The following AGBL4 variants were observed in gnomAD, a reference collection of about 807,000 sequenced individuals.
The protein encoded by AGBL4 is AGBL carboxypeptidase 4.
In AGBL4, 58 loss-of-function variants were observed where a neutral mutation model predicts 66.4. That is an observed-to-expected ratio of 0.87 (90% confidence interval 0.71 to 1.09). The LOEUF is 1.09. Ranked by LOEUF, AGBL4 falls within the 50% of genes least tolerant of loss-of-function variation. The pLI is 0.00. For missense variants in AGBL4, 579 were observed against 631.0 expected, an observed-to-expected ratio of 0.92 and a Z score of 0.88; for synonymous variants, 234 against 222.9, an observed-to-expected ratio of 1.05 and a Z score of -0.44.
chr1:49,594,406 TAC>T (rs1644811876), intron 3 of AGBL4, among the ~76,000 whole-genome samples: 1 of 152,198 alleles, frequency 6.6e-6, no homozygotes, highest in South Asian at 2.1e-4. Flanking sequence ...GCAGGTTTGT[TAC>T]ATAGGTATAC....
intron 5 of AGBL4, among the ~76,000 whole-genome samples, chr1:48,920,680 G>T (rs1654002726): frequency 6.6e-6 from 1 of 152,186 alleles, no homozygotes; most frequent in Non-Finnish European, 1.5e-5. Flanking sequence ...ACGTAGACCT[G>T]CCTGACTTCA....
chr1:49,598,960 C>T (rs571378126), intron 3 of AGBL4, among the ~76,000 whole-genome samples: 2 of 152,120 alleles, frequency 1.3e-5, no homozygotes, highest in African/African-American at 2.4e-5. Context: ...CCAACTTGAT[C>T]GAGGTAGATA....
chr1:49,259,340 C>G lies in AGBL4; in HGVS notation c.283-13476G>C, dbSNP rs569531051. The stretch of plus-strand genomic sequence containing the variant: ...TTAAATGTAAATGGACTAAATGCTC[C>G]AATTAAAAGACACAGACTGGCAAAT... On this transcript the variant is annotated intron_variant, in intron 3 of 13. Coordinates refer to ENST00000371839, the MANE Select transcript of AGBL4 (RefSeq NM_032785.4). Among the ~76,000 whole-genome samples, 1,280 of 152,040 alleles carry G rather than the reference C, an allele frequency of 8.4e-3. 17 individuals carry two copies. The highest frequency in any genetic ancestry group is 0.029 in the African/African-American group (1,210 of 41,456).
At chr1:49,603,045 A>AAGAT (rs1315534260) in intron 3 of AGBL4, among the ~76,000 whole-genome samples, 83 of 152,198 alleles carry the variant, frequency 5.5e-4, no homozygotes, top group Non-Finnish European at 3.8e-4. Context: ...AAAGATTAGC[A>AAGAT]AGATGACTTT....
rs933007573 is a variant in AGBL4 at position 49,613,079 on chromosome 1, G to A, written c.282+84234C>T. Among the ~76,000 whole-genome samples the A allele has an allele frequency of 2.0e-5, 3 of 152,238 alleles. No individual in the cohort carries two copies. In the South Asian group the frequency reaches 6.2e-4, roughly 32 times the overall value. ...AAAGAATGAAATCATGTATTCTGCAGCAACATGGATGCAGCTGGAGGTCAT... is the reference window on the plus strand; with the variant it reads ...AAAGAATGAAATCATGTATTCTGCAACAACATGGATGCAGCTGGAGGTCAT... On this transcript the variant is annotated intron_variant, in intron 3 of 13. Transcript: ENST00000371839.
chr1:50,023,851 C>A lies in AGBL4; in HGVS notation c.-55G>T. 2.0e-6 allele frequency: 3 copies of A among 1,531,498 alleles called. No individual in the cohort carries two copies. Among genetic ancestry groups the A allele is most frequent in the Non-Finnish European group, 2.6e-6 (3 of 1,136,796 alleles). 94.9% of individuals were successfully genotyped at this position (1,531,498 alleles called of 1,614,324 possible). ...GCGAAGACCGCGGGGCAGTAGGGAG[C>A]GGGTGGTGGGATCAGTGGGCTGACA... is the stretch of plus-strand genomic sequence containing the variant. On this transcript the variant is annotated 5_prime_UTR_variant, in exon 1 of 14. Coordinates refer to ENST00000371839, the MANE Select transcript of AGBL4 (RefSeq NM_032785.4).
In AGBL4 at chr1:49,911,157, A is replaced by G. The variant is rs576774435; in HGVS notation, c.35-59639T>C. Among the ~76,000 whole-genome samples, 6 of 152,312 alleles carry G rather than the reference A, an allele frequency of 3.9e-5. No individual in the cohort carries two copies. In the South Asian group the frequency reaches 1.2e-3, roughly 32 times the overall value. ...AGTAGACTATTCTGGGCAGTTATAC[A>G]GGGGTGGATGGAATGTGGGAGTGGG... On this transcript the variant is annotated intron_variant, in intron 1 of 13. Transcript: ENST00000371839.
intron 2 of AGBL4, among the ~76,000 whole-genome samples, chr1:49,698,133 A>G (rs1411864728): frequency 6.6e-6 from 1 of 152,114 alleles, no homozygotes; most frequent in Non-Finnish European, 1.5e-5. Context: ...GAATTGTTAG[A>G]GAGGCAAGAT....
intron 5 of AGBL4, among the ~76,000 whole-genome samples, chr1:49,024,068 T>C (rs904370913): frequency 6.6e-6 from 1 of 152,122 alleles, no homozygotes; most frequent in African/African-American, 2.4e-5. Context: ...ATCAAGAAGA[T>C]GAAGAAAAGT....
At chr1:49,344,593 T>C (rs1645603589) in intron 3 of AGBL4, among the ~76,000 whole-genome samples, 1 of 152,164 alleles carries the variant, frequency 6.6e-6, no homozygotes, top group African/African-American at 2.4e-5. Flanking sequence ...AATTGAACAT[T>C]GGAATAAAAC....
intron 1 of AGBL4, among the ~76,000 whole-genome samples, chr1:49,864,508 G>A (rs1433914920): frequency 6.6e-6 from 1 of 152,148 alleles, no homozygotes; most frequent in African/African-American, 2.4e-5. Context: ...AGACTAGGTG[G>A]TTGGCGCGAA....
chr1:49,598,543 C>A (rs187234171), intron 3 of AGBL4, among the ~76,000 whole-genome samples: 3 of 152,152 alleles, frequency 2.0e-5, no homozygotes, highest in Admixed American at 2.0e-4. Context: ...TTTCGTGAAC[C>A]GCGAATGCTG....
chr1:48,620,586 T>C (rs1466862005), intron 9 of AGBL4, among the ~76,000 whole-genome samples: 1 of 152,188 alleles, frequency 6.6e-6, no homozygotes, highest in Non-Finnish European at 1.5e-5. Flanking sequence ...AAAACCTACT[T>C]GCATTGCTAT....
intron 3 of AGBL4, among the ~76,000 whole-genome samples, chr1:49,564,192 T>C (rs1644131355): frequency 6.6e-6 from 1 of 152,154 alleles, no homozygotes; most frequent in South Asian, 2.1e-4. Flanking sequence ...TATTTGATTA[T>C]TCTCTCTTTT....
Position 49,796,055 on chromosome 1 carries a change from T to A in AGBL4, c.157+55341A>T, listed in dbSNP as rs372763067. Among the ~76,000 whole-genome samples, 50 of 151,912 alleles carry A rather than the reference T, an allele frequency of 3.3e-4. 1 individual carries two copies. The South Asian group carries it at 9.6e-3, about 29-fold the overall frequency. ...ACTAAGACTTAATATTCTTACACCA[T>A]AAAGAGCTCAAATATACCACCAGAA... On this transcript the variant is annotated intron_variant, in intron 2 of 13. Transcript: ENST00000371839.
At chr1:49,653,281 A>G (rs1646047432) in intron 3 of AGBL4, among the ~76,000 whole-genome samples, 1 of 152,144 alleles carries the variant, frequency 6.6e-6, no homozygotes, top group African/African-American at 2.4e-5. Flanking sequence ...CAACAACAAC[A>G]TAAATGAAAA....
At chr1:49,816,536 C>T (rs1645236279) in intron 2 of AGBL4, among the ~76,000 whole-genome samples, 1 of 152,076 alleles carries the variant, frequency 6.6e-6, no homozygotes. Context: ...AAAATTAGGC[C>T]TCCCAGCCCA....
Position 48,590,898 on chromosome 1 carries a change from C to T in AGBL4, c.1039G>A (p.Glu347Lys), listed in dbSNP as rs774761649. 4 of 1,608,812 alleles carry T rather than the reference C, an allele frequency of 2.5e-6. No homozygotes were observed. The highest frequency in any genetic ancestry group is 3.4e-6 in the Non-Finnish European group (4 of 1,177,772). Residue 347 changes from glutamate (E) to lysine (K), a missense_variant, in exon 10 of 14, where the codon GAA becomes AAA. Glu to Lys is a moderately conservative substitution (Grantham distance 56). Transcript: ENST00000371839. ...AAAATGGCCTGCCTCTGGAACCGTT[C>T]CTCATCCTCAAAGATGTTGCCATAC... The part of the protein sequence containing the change: ...FMYGNIFEDE[E>K]RFQRQAIFPK...
At chr1:49,650,126 C>T (rs34990272) in intron 3 of AGBL4, among the ~76,000 whole-genome samples, 13,943 of 151,892 alleles carry the variant, frequency 0.092, 869 homozygotes, top group East Asian at 0.3. Context: ...TTCTTTTTTT[C>T]CCCAAGATGG....
Sources: gnomAD v4.1 joint callset for allele counts (sites outside exome capture counted in the v4.1 genomes callset) on GRCh38, gnomAD v4.1.1 for gene constraint, MANE v1.5 for transcripts, NCBI Gene and HGNC (gene_info 2026-07-23, HGNC 2026-07-21) for gene names.